The following MMP26 variants were observed in gnomAD, a reference collection of about 807,000 sequenced individuals.
The protein encoded by MMP26 is matrix metallopeptidase 26, also known as matrix metalloproteinase-26.
MMP26 carries 33 observed loss-of-function variants against 31.0 expected under a neutral mutation model. The observed-to-expected ratio is 1.06, with a 90% CI of 0.81 to 1.42. The LOEUF is 1.42. Among genes scored for constraint, MMP26 ranks in the 40% most tolerant of loss-of-function variants. The probability of loss-of-function intolerance (pLI) is 0.00; values close to 1 mark genes in which losing one functional copy is unlikely to be tolerated. For synonymous variants in MMP26, 122 were observed against 114.9 expected (o/e 1.06, Z -0.40); for missense variants, 347 against 316.1 (o/e 1.10, Z -0.74).
intron 2 of MMP26, among the ~76,000 whole-genome samples, chr11:4,835,576 A>G (rs138678566): frequency 4.2e-4 from 64 of 152,248 alleles, no homozygotes; most frequent in Middle Eastern, 3.4e-3. Flanking sequence ...GAGAGTGGGA[A>G]AAAGGAGAGA....
At chr11:4,731,818 A>C (rs181347981) in intron 1 of MMP26, among the ~76,000 whole-genome samples, 1 of 152,212 alleles carries the variant, frequency 6.6e-6, no homozygotes, top group African/African-American at 2.4e-5. Flanking sequence ...TTTTGTGTTC[A>C]TGTTTTTGTA....
chr11:4,882,571 C>G (rs761110505), intron 2 of MMP26: 1 of 1,613,954 alleles, frequency 6.2e-7, no homozygotes. Flanking sequence ...TCCTGATCCT[C>G]CGTACTGTTC....
chr11:4,959,566 A>G (rs1365662663), intron 2 of MMP26, among the ~76,000 whole-genome samples: 1 of 152,078 alleles, frequency 6.6e-6, no homozygotes, highest in Non-Finnish European at 1.5e-5. Flanking sequence ...GCACGGGTCT[A>G]TTTTCCCCTG....
At chr11:4,790,417 A>G (rs1849010030) in intron 2 of MMP26, among the ~76,000 whole-genome samples, 1 of 152,214 alleles carries the variant, frequency 6.6e-6, no homozygotes, top group Non-Finnish European at 1.5e-5. Flanking sequence ...AAAACTCAGC[A>G]TATTTATGAT....
At position 4,859,922 on chromosome 11, in the gene MMP26, G is replaced by A. The variant is rs1436445842; in HGVS notation, c.-145+92581G>A. The A allele has an allele frequency of 3.4e-5, 16 of 471,070 alleles. No homozygotes were observed. In the Admixed American group the frequency reaches 3.5e-4, roughly 10 times the overall value. The allele number at this position is 471,070 out of a possible 1,614,324, so 29.2% of individuals were successfully genotyped here. A position where few individuals can be genotyped will look rare whatever the true frequency, so the allele number is the denominator to read the frequency against. On this transcript the variant is annotated intron_variant, in intron 2 of 7. Transcript: ENST00000380390. ...GTGAGTACATAAGACAGTAGAGTGA[G>A]GAGAACATCGAGCCCCAGTGTGAAG...
At chr11:4,915,529 C>A in intron 2 of MMP26, 2 of 1,614,014 alleles carry the variant, frequency 1.2e-6, no homozygotes, top group Non-Finnish European at 1.7e-6. Flanking sequence ...TGCAGTTGCC[C>A]GGGATGGAAA....
At chr11:4,854,741 T>C (rs1450752009) in intron 2 of MMP26, among the ~76,000 whole-genome samples, 2 of 152,204 alleles carry the variant, frequency 1.3e-5, no homozygotes, top group Non-Finnish European at 1.5e-5. Flanking sequence ...GAGTTTGAGA[T>C]CTGAGAATGG....
chr11:4,923,007 C>T (rs1851206485), intron 2 of MMP26, among the ~76,000 whole-genome samples: 1 of 152,164 alleles, frequency 6.6e-6, no homozygotes, highest in South Asian at 2.1e-4. Flanking sequence ...AATGAAATTA[C>T]ACTGGCCAGA....
At chr11:4,991,302 A>C in intron 5 of MMP26, 69 bp from the exon 6 acceptor site, 3 of 1,543,908 alleles carry the variant, frequency 1.9e-6, no homozygotes, top group Non-Finnish European at 2.6e-6. Flanking sequence ...TCTGAGGCTT[A>C]CTTAAGACTA....
intron 1 of MMP26, among the ~76,000 whole-genome samples, chr11:4,725,265 A>G (rs1207875216): frequency 6.6e-6 from 1 of 152,208 alleles, no homozygotes; most frequent in Non-Finnish European, 1.5e-5. Flanking sequence ...GTGAGAACTG[A>G]CTAATACATA....
chr11:4,915,016 T>A (rs1453545894), intron 2 of MMP26: 1 of 1,613,930 alleles, frequency 6.2e-7, no homozygotes. Flanking sequence ...GGATGAGCAG[T>A]GAGTCTATAC....
At chr11:4,870,769 T>C (rs868497896) in intron 2 of MMP26, among the ~76,000 whole-genome samples, 20 of 152,106 alleles carry the variant, frequency 1.3e-4, no homozygotes, top group Non-Finnish European at 1.5e-4. Flanking sequence ...GTATTTCCCA[T>C]GTTAAATTTC....
intron 2 of MMP26, among the ~76,000 whole-genome samples, chr11:4,933,958 T>A (rs1379958368): frequency 6.8e-6 from 1 of 147,162 alleles, no homozygotes; most frequent in Non-Finnish European, 1.5e-5. Flanking sequence ...CACATTTTCT[T>A]AATCCAGTCT....
intron 1 of MMP26, among the ~76,000 whole-genome samples, chr11:4,734,750 A>G (rs4495890): frequency 0.38 from 49,833 of 131,800 alleles, 11,241 homozygotes; most frequent in African/African-American, 0.43. Flanking sequence ...TCTTGGACTT[A>G]CACTCCTTTT....
chr11:4,976,338 G>A (rs1244726626), intron 2 of MMP26, among the ~76,000 whole-genome samples: 2 of 152,018 alleles, frequency 1.3e-5, no homozygotes, highest in African/African-American at 2.4e-5. Flanking sequence ...ATGTTGTCAG[G>A]ATGGTGTTAT....
At chr11:4,873,282 A>G (rs566424188) in intron 2 of MMP26, among the ~76,000 whole-genome samples, 11 of 152,200 alleles carry the variant, frequency 7.2e-5, no homozygotes, top group African/African-American at 2.6e-4. Flanking sequence ...CTCATCCCTC[A>G]TAATCAATTT....
intron 2 of MMP26, among the ~76,000 whole-genome samples, chr11:4,845,774 A>C (rs1229292015): frequency 6.6e-6 from 1 of 152,178 alleles, no homozygotes; most frequent in Non-Finnish European, 1.5e-5. Context: ...CTAATCAATA[A>C]TGGGCAAAAG....
rs78215963 is a variant in MMP26, at chr11:4,709,808, G to A, written c.-217+4763G>A. 462 of 457,464 alleles carry A rather than the reference G, an allele frequency of 1.0e-3. 2 individuals are homozygous for A. Among genetic ancestry groups the A allele is most frequent in the African/African-American group, 8.4e-3 (420 of 50,164 alleles). The allele number at this position is 457,464 out of a possible 1,614,324, so 28.3% of individuals were successfully genotyped here. ...ACCTAGGTCTGTGTCTTTCTACATT[G>A]ACCACCATGCTGGGTATTTTCTGGT... On this transcript the variant is annotated intron_variant, in intron 1 of 7. Coordinates refer to ENST00000380390, the MANE Select transcript of MMP26 (RefSeq NM_021801.5).
chr11:4,907,985 A>G, intron 2 of MMP26: 1 of 1,614,172 alleles, frequency 6.2e-7, no homozygotes, highest in Non-Finnish European at 8.5e-7. Context: ...TGCTCTCTGT[A>G]CTATGCTGGA....
Sources: gnomAD v4.1 joint callset for allele counts (sites outside exome capture counted in the v4.1 genomes callset) on GRCh38, gnomAD v4.1.1 for gene constraint, MANE v1.5 for transcripts, NCBI Gene and HGNC (gene_info 2026-07-23, HGNC 2026-07-21) for gene names.